The following CCNJ variants were observed in gnomAD, a reference collection of about 807,000 sequenced individuals.
CCNJ encodes cyclin-J.
CCNJ carries 12 observed loss-of-function variants against 41.4 expected under a neutral mutation model. The ratio of observed to expected loss-of-function variants is 0.29; its 90% confidence interval spans 0.19 to 0.47. The LOEUF (loss-of-function observed/expected upper bound fraction) is 0.47, where lower values mean the gene tolerates loss of function less well. Among genes scored for constraint, CCNJ ranks in the 20% least tolerant of loss-of-function variants. CCNJ has a pLI of 1.00. For synonymous variants in CCNJ, 161 were observed against 173.4 expected (o/e 0.93, Z 0.56); for missense variants, 340 against 464.6 (o/e 0.73, Z 2.47).
intron 2 of CCNJ, among the ~76,000 whole-genome samples, chr10:96,049,486 T>TC (rs1320847435): frequency 2.4e-4 from 36 of 148,234 alleles, no homozygotes; most frequent in Admixed American, 4.0e-4. Flanking sequence ...TTTTTCTTTT[T>TC]TTTTTTTTTT....
In CCNJ at chr10:96,059,601, A is replaced by C. The variant is rs1390610762; in HGVS notation, c.*1360A>C. 6.6e-6 allele frequency: 1 copy of C among 152,474 alleles called. No individual in the cohort carries two copies. The highest frequency in any genetic ancestry group is 2.1e-4 in the South Asian group (1 of 4,836). The allele number at this position is 152,474 out of a possible 1,614,324, so 9.4% of individuals were successfully genotyped here. Reference sequence around the variant, plus strand: ...TGTGCTCCTTTCTGTGGGAGAAGAAAGATTTGGTGGAGGGAAGCTTTCTGG... The same window carrying C: ...TGTGCTCCTTTCTGTGGGAGAAGAACGATTTGGTGGAGGGAAGCTTTCTGG... On this transcript the variant is annotated 3_prime_UTR_variant, in exon 6 of 6. Transcript: ENST00000465148.
At position 96,050,421 on chromosome 10, in the gene CCNJ, A is replaced by G. The variant is rs1362794337; in HGVS notation, c.235A>G (p.Ile79Val). ...GTTTATGGACCGCTATGACATCTCT[A>G]TCCAGCAGCTGCATTTAGTTGCGCT... is the stretch of plus-strand genomic sequence containing the variant. ...DLFMDRYDIS[I>V]QQLHLVALSC... Residue 79 changes from isoleucine (I) to valine (V), a missense_variant, in exon 3 of 6, where the codon ATC becomes GTC. Coordinates refer to ENST00000465148, the MANE Select transcript of CCNJ (RefSeq NM_001134375.2). 5 of 1,614,104 alleles carry G rather than the reference A, an allele frequency of 3.1e-6. No individual in the cohort carries two copies. Among genetic ancestry groups the G allele is most frequent in the Middle Eastern group, 3.3e-4 (2 of 6,060 alleles).
chr10:96,053,048 T>C (rs1393180965), intron 3 of CCNJ, among the ~76,000 whole-genome samples: 1 of 152,210 alleles, frequency 6.6e-6, no homozygotes, highest in East Asian at 1.9e-4. Context: ...CTCTTTTCAG[T>C]GTCTGATTCC....
chr10:96,052,687 G>A (rs1474662882), intron 3 of CCNJ, among the ~76,000 whole-genome samples: 9 of 152,158 alleles, frequency 5.9e-5, no homozygotes, highest in Admixed American at 2.0e-4. Flanking sequence ...TAGACATTAG[G>A]ATCTGTATTT....
In CCNJ at chr10:96,053,055, T is replaced by C. The variant is rs144144036; in HGVS notation, c.280+2589T>C. Among the ~76,000 whole-genome samples the C allele has an allele frequency of 6.5e-3, 997 of 152,338 alleles. 4 individuals carry two copies. Among genetic ancestry groups the C allele is most frequent in the Non-Finnish European group, 0.01 (690 of 68,026 alleles). ...CTGATAAACTCTTTTCAGTGTCTGA[T>C]TCCTGTTTTAAATTTGTGGAGTTCA... On this transcript the variant is annotated intron_variant, in intron 3 of 5. Coordinates refer to ENST00000465148, the MANE Select transcript of CCNJ (RefSeq NM_001134375.2).
In CCNJ at chr10:96,060,326, A is replaced by C. The variant is rs1201819869; in HGVS notation, c.*2085A>C. The C allele has an allele frequency of 6.6e-6, 1 of 152,646 alleles. No individual in the cohort carries two copies. Among genetic ancestry groups the C allele is most frequent in the Non-Finnish European group, 1.5e-5 (1 of 68,038 alleles). The allele number at this position is 152,646 out of a possible 1,614,324, so 9.5% of individuals were successfully genotyped here. On this transcript the variant is annotated 3_prime_UTR_variant, in exon 6 of 6. Transcript: ENST00000465148. ...GTCAAATACTTTTATTGATTGGTTT[A>C]TATGCCATTCTTGTTATAGAAGAAT...
chr10:96,050,525 A>T, intron 3 of CCNJ, 59 bp downstream of exon 3: 1 of 1,240,136 alleles, frequency 8.1e-7, no homozygotes, highest in Non-Finnish European at 1.2e-6. Flanking sequence ...AATAAAATAA[A>T]TTTATGTAGA....
chr10:96,057,182 A>G lies in CCNJ; in HGVS notation c.675A>G (p.Thr225=), dbSNP rs758199336. Reference sequence around the variant, plus strand: ...TTCGTCTTTCTCCAACGTGGCCTACAAGACTACATCGTCTTACTGCCTACT... The same window carrying G: ...TTCGTCTTTCTCCAACGTGGCCTACGAGACTACATCGTCTTACTGCCTACT... ...IILRLSPTWP[T]RLHRLTAYSW... The change falls in exon 5 of 6, where the codon ACA becomes ACG. Residue 225 remains threonine (T), a synonymous_variant. Coordinates refer to ENST00000465148, the MANE Select transcript of CCNJ (RefSeq NM_001134375.2). 2.5e-6 allele frequency: 4 copies of G among 1,614,092 alleles called. No individual in the cohort carries two copies. The South Asian group carries it at 3.3e-5, about 13-fold the overall frequency.
chr10:96,056,912 T>G lies in CCNJ; in HGVS notation c.492T>G (p.Leu164=). 1 of 1,614,208 alleles carries G rather than the reference T, an allele frequency of 6.2e-7. No homozygotes were observed. The highest frequency in any genetic ancestry group is 8.5e-7 in the Non-Finnish European group (1 of 1,180,022). ...YLSEAVHETD[L]HDGWPMICLE... is the part of the protein sequence containing the mutation. ...CTGAAGCAGTACACGAAACAGATCT[T>G]CATGACGGCTGGCCAATGATTTGCT... The change falls in exon 4 of 6, where the codon CTT becomes CTG. Residue 164 remains leucine (L), a synonymous_variant. Coordinates refer to ENST00000465148, the MANE Select transcript of CCNJ (RefSeq NM_001134375.2).
rs1249939798 is a variant in CCNJ at position 96,060,312 on chromosome 10, T to G, written c.*2071T>G. The G allele has an allele frequency of 6.6e-6, 1 of 152,634 alleles. No individual in the cohort carries two copies. The highest frequency in any genetic ancestry group is 1.9e-4 in the East Asian group (1 of 5,208). The allele number at this position is 152,634 out of a possible 1,614,324, so 9.5% of individuals were successfully genotyped here. A position where few individuals can be genotyped will look rare whatever the true frequency, so the allele number is the denominator to read the frequency against. Reference sequence around the variant, plus strand: ...TAACTTAATGTCTTGTCAAATACTTTTATTGATTGGTTTATATGCCATTCT... The same window carrying G: ...TAACTTAATGTCTTGTCAAATACTTGTATTGATTGGTTTATATGCCATTCT... On this transcript the variant is annotated 3_prime_UTR_variant, in exon 6 of 6. Transcript: ENST00000465148.
intron 2 of CCNJ, among the ~76,000 whole-genome samples, chr10:96,046,734 G>T (rs1199587655): frequency 2.6e-5 from 4 of 152,150 alleles, no homozygotes; most frequent in Non-Finnish European, 4.4e-5. Context: ...GAGTGAAAAT[G>T]ACAATGAATG....
At chr10:96,053,379 C>T (rs1421184869) in intron 3 of CCNJ, among the ~76,000 whole-genome samples, 1 of 152,140 alleles carries the variant, frequency 6.6e-6, no homozygotes, top group East Asian at 1.9e-4. Flanking sequence ...TGTTTAAAAG[C>T]ATGTAGGAAA....
chr10:96,050,801 T>G (rs1395325136), intron 3 of CCNJ, among the ~76,000 whole-genome samples: 1 of 152,218 alleles, frequency 6.6e-6, no homozygotes. Context: ...TGAGAACCAT[T>G]GTCTTAAAGC....
Position 96,058,224 on chromosome 10 carries a change from C to G in CCNJ, c.1135C>G (p.Pro379Ala), listed in dbSNP as rs1384784662. Residue 379 changes from proline (P) to alanine (A), a missense_variant, in exon 6 of 6, where the codon CCA (proline) becomes GCA (alanine). Transcript: ENST00000465148. ...QINEHYPCIT[P>A]CFER Reference sequence around the variant, plus strand: ...AAATGAACATTACCCTTGTATTACTCCATGTTTTGAAAGGTGATTATTTGT... The same window carrying G: ...AAATGAACATTACCCTTGTATTACTGCATGTTTTGAAAGGTGATTATTTGT... 1.9e-6 allele frequency: 3 copies of G among 1,611,940 alleles called. No homozygotes were observed. In the African/African-American group the frequency reaches 4.0e-5, roughly 22 times the overall value.
In CCNJ at chr10:96,059,417, T is replaced by C. The variant is rs1341658682; in HGVS notation, c.*1176T>C. 1.3e-5 allele frequency: 2 copies of C among 152,624 alleles called. No individual in the cohort carries two copies. The highest frequency in any genetic ancestry group is 4.8e-5 in the African/African-American group (2 of 41,466). The allele number at this position is 152,624 out of a possible 1,614,324, so 9.5% of individuals were successfully genotyped here. On this transcript the variant is annotated 3_prime_UTR_variant, in exon 6 of 6. Transcript: ENST00000465148. ...AATTTCAGTAGCTACTTTCATTGGA[T>C]TGACCCTACAACTGCCCTGGGACAT...
rs765601097 is a variant in CCNJ, at chr10:96,060,305, A to G, written c.*2064A>G. The G allele has an allele frequency of 6.6e-6, 1 of 152,632 alleles. No homozygotes were observed. Among genetic ancestry groups the G allele is most frequent in the African/African-American group, 2.4e-5 (1 of 41,448 alleles). 9.5% of individuals were successfully genotyped at this position (152,632 alleles called of 1,614,324 possible). A position where few individuals can be genotyped will look rare whatever the true frequency, so the allele number is the denominator to read the frequency against. Reference sequence around the variant, plus strand: ...CCTGTGGTAACTTAATGTCTTGTCAAATACTTTTATTGATTGGTTTATATG... The same window carrying G: ...CCTGTGGTAACTTAATGTCTTGTCAGATACTTTTATTGATTGGTTTATATG... On this transcript the variant is annotated 3_prime_UTR_variant, in exon 6 of 6. Coordinates refer to ENST00000465148, the MANE Select transcript of CCNJ (RefSeq NM_001134375.2).
At chr10:96,049,287 A>G (rs2080450914) in intron 2 of CCNJ, among the ~76,000 whole-genome samples, 1 of 151,942 alleles carries the variant, frequency 6.6e-6, no homozygotes, top group South Asian at 2.1e-4. Flanking sequence ...GCCCATTTTT[A>G]TAATTAGGTT....
chr10:96,044,403 G>C lies in CCNJ; in HGVS notation c.10G>C (p.Glu4Gln), dbSNP rs1233112667. The C allele has an allele frequency of 6.4e-7, 1 of 1,558,896 alleles. No homozygotes were observed. The highest frequency in any genetic ancestry group is 1.4e-5 in the African/African-American group (1 of 72,676). Residue 4 changes from glutamate (E) to glutamine (Q), a missense_variant, in exon 2 of 6, where the codon GAG becomes CAG. Glu to Gln is a conservative substitution (Grantham distance 29). This residue lies in a region of CCNJ where 44 missense variants were observed against 43.6 expected (regional missense o/e 1.01). Coordinates refer to ENST00000465148, the MANE Select transcript of CCNJ (RefSeq NM_001134375.2). ...CGCGCCGCCGGGTCCCATGGAGCTG[G>C]AGGGGCAGTGGTGGCGAGGACAGCT... MELEGQWWRGQLAA... is the reference protein window; with the variant it reads MELQGQWWRGQLAA...
In CCNJ at chr10:96,058,701, ATTT is replaced by A. The variant is rs1266557671; in HGVS notation, c.*464_*466del. The A allele has an allele frequency of 7.6e-6, 3 of 393,254 alleles. No homozygotes were observed. The highest frequency in any genetic ancestry group is 2.1e-5 in the African/African-American group (1 of 48,440). 24.4% of individuals were successfully genotyped at this position (393,254 alleles called of 1,614,324 possible). ...TTGAAAAGGTTTTTTTTATTCTGCAATTTTTTATTTTTGTTCTACACATGAATT... is the reference window on the plus strand; with the variant it reads ...TTGAAAAGGTTTTTTTTATTCTGCAATTTATTTTTGTTCTACACATGAATT... On this transcript the variant is annotated 3_prime_UTR_variant, in exon 6 of 6. Coordinates refer to ENST00000465148, the MANE Select transcript of CCNJ (RefSeq NM_001134375.2).
Sources: allele counts gnomAD v4.1 joint callset (sites outside exome capture counted in the v4.1 genomes callset), GRCh38; gene constraint gnomAD v4.1.1; regional missense constraint gnomAD v4.1.1; transcripts MANE v1.5; gene names NCBI Gene and HGNC (gene_info 2026-07-23, HGNC 2026-07-21).